Variants in ZNF236 observed in about 807,000 individuals in gnomAD.
The protein encoded by ZNF236 is regulated by glucose.
Under a neutral mutation model 191.2 loss-of-function variants are expected in ZNF236, and 50 were observed. That is an observed-to-expected ratio of 0.26 (90% CI 0.21 to 0.33). The LOEUF is 0.33. Ranked by LOEUF, ZNF236 falls within the 10% of genes least tolerant of loss-of-function variation. The pLI is 1.00. For missense variants in ZNF236, 1,754 were observed against 2,374.5 expected (o/e 0.74, Z 5.43); for synonymous variants, 907 against 928.8 (o/e 0.98, Z 0.43).
At position 76,868,732 on chromosome 18, in the gene ZNF236, G is replaced by A; in HGVS notation, c.411G>A (p.Gln137=). ...ECGDEFTLQS[Q]LAVHMEEHRQ... is the part of the protein sequence containing the mutation. ...GGGATGAGTTTACTCTGCAGAGTCA[G>A]CTGGCCGTGCACATGGAGGAGCACC... Residue 137 remains glutamine, a synonymous_variant, in exon 4 of 31, where the codon CAG becomes CAA. Coordinates refer to ENST00000320610, the MANE Select transcript of ZNF236 (RefSeq NM_001306089.2). 1 of 1,613,810 alleles carries A rather than the reference G, an allele frequency of 6.2e-7. No individual in the cohort carries two copies. Among genetic ancestry groups the A allele is most frequent in the South Asian group, 1.1e-5 (1 of 91,036 alleles).
At position 76,927,270 on chromosome 18, in the gene ZNF236, T is replaced by C. The variant is rs748304905; in HGVS notation, c.4174-7T>C. On this transcript the variant is annotated splice_polypyrimidine_tract_variant and splice_region_variant and intron_variant, in intron 23 of 30. Transcript: ENST00000320610. The surrounding 1 kb of genome is among the most constrained non-coding windows in gnomAD (Gnocchi z 5.4). ...TTTTCATTACAAGTACCTGTGCTGC[T>C]TTTCAGATTGATCCAAGCATTCTGC... 33 of 1,613,862 alleles carry C rather than the reference T, an allele frequency of 2.0e-5. No individual in the cohort carries two copies. The South Asian group carries it at 3.2e-4, about 16-fold the overall frequency.
At chr18:76,897,936 A>G (rs1977483281) in intron 10 of ZNF236, among the ~76,000 whole-genome samples, 1 of 152,202 alleles carries the variant, frequency 6.6e-6, no homozygotes. Context: ...AAGAAAACAG[A>G]TGCAACCTTG....
At chr18:76,853,908 G>T (rs1436121127) in intron 3 of ZNF236, among the ~76,000 whole-genome samples, 1 of 151,908 alleles carries the variant, frequency 6.6e-6, no homozygotes, top group African/African-American at 2.4e-5. Context: ...TACTCCGGAG[G>T]CTAAGGCGGG....
At chr18:76,825,907 A>C (rs775779466) in intron 1 of ZNF236, among the ~76,000 whole-genome samples, 131 of 152,146 alleles carry the variant, frequency 8.6e-4, no homozygotes, top group Non-Finnish European at 1.4e-3. Context: ...CACTGCTTCC[A>C]GCTGAGGGCT....
chr18:76,919,848 C>T lies in ZNF236; in HGVS notation c.3347C>T (p.Thr1116Ile). ...ASRKSRPEVI[T>I]FTEEETAQLA... ...CGGAAGTCTCGTCCTGAGGTCATCA[C>T]TTTCACGGAGGAGGAGACAGCCCAG... The change falls in exon 20 of 31, where the codon ACT (threonine) becomes ATT (isoleucine). Residue 1116 changes from threonine (T) to isoleucine (I), a missense_variant. Physicochemically the swap from Thr to Ile is moderately conservative, Grantham distance 89. Around this residue, in one of 5 missense-constraint regions of ZNF236, gnomAD observed 641 missense variants for 869.6 expected, o/e 0.74. Transcript: ENST00000320610. The surrounding 1 kb of genome is among the most constrained non-coding windows in gnomAD (Gnocchi z 5.3). 6.2e-7 allele frequency: 1 copy of T among 1,614,244 alleles called. No individual in the cohort carries two copies. Among genetic ancestry groups the T allele is most frequent in the Non-Finnish European group, 8.5e-7 (1 of 1,180,050 alleles).
In ZNF236 at chr18:76,927,915, A is replaced by G; in HGVS notation, c.4415-12A>G. On this transcript the variant is annotated splice_polypyrimidine_tract_variant and intron_variant, in intron 24 of 30. Transcript: ENST00000320610. The surrounding 1 kb of genome is among the most constrained non-coding windows in gnomAD (Gnocchi z 5.4). ...GAATCTCAACTTTGTTTTGCTTTGTAATGACAATCAGGGACCCAAGACCTC... is the reference window on the plus strand; with the variant it reads ...GAATCTCAACTTTGTTTTGCTTTGTGATGACAATCAGGGACCCAAGACCTC... 6.5e-7 allele frequency: 1 copy of G among 1,546,928 alleles called. No individual in the cohort carries two copies. Among genetic ancestry groups the G allele is most frequent in the Non-Finnish European group, 8.7e-7 (1 of 1,147,996 alleles).
rs113817245 is a variant in ZNF236, at chr18:76,956,014, G to A, written c.4944G>A (p.Pro1648=). The A allele has an allele frequency of 2.3e-3, 3,736 of 1,610,406 alleles. 51 individuals carry two copies. The African/African-American group carries it at 0.041, about 18-fold the overall frequency. ...CTGGCGTCTCTGGGAACCTGGCCCC[G>A]GGCAACCAGCCAGAGAAGGAGGGCC... ...QVAGVSGNLA[P]GNQPEKEGRA... is the part of the protein sequence containing the mutation. The change falls in exon 28 of 31, where the codon CCG becomes CCA. Residue 1648 remains proline (P), a synonymous_variant. Coordinates refer to ENST00000320610, the MANE Select transcript of ZNF236 (RefSeq NM_001306089.2).
rs989512181 is a variant in ZNF236 at position 76,968,782 on chromosome 18, T to C, written c.*443T>C. 5 of 989,394 alleles carry C rather than the reference T, an allele frequency of 5.1e-6. No homozygotes were observed. In the African/African-American group the frequency reaches 7.0e-5, roughly 14 times the overall value. The allele number at this position is 989,394 out of a possible 1,614,324, so 61.3% of individuals were successfully genotyped here. On this transcript the variant is annotated 3_prime_UTR_variant, in exon 31 of 31. Coordinates refer to ENST00000320610, the MANE Select transcript of ZNF236 (RefSeq NM_001306089.2). Reference sequence around the variant, plus strand: ...CAAGCGTAAGATTGAGGCATGAAGTTCAGAAAAAAAAGTGTTACAACACAC... The same window carrying C: ...CAAGCGTAAGATTGAGGCATGAAGTCCAGAAAAAAAAGTGTTACAACACAC...
intron 7 of ZNF236, among the ~76,000 whole-genome samples, chr18:76,878,713 A>G (rs1481797192): frequency 6.6e-6 from 1 of 151,694 alleles, no homozygotes; most frequent in Non-Finnish European, 1.5e-5. Flanking sequence ...GTACTGCACT[A>G]CCCTCTCAAC....
chr18:76,887,442 G>A (rs1283506682), intron 9 of ZNF236: 1 of 152,088 alleles, frequency 6.6e-6, no homozygotes, highest in Non-Finnish European at 1.5e-5. Context: ...TCCGTTCCTC[G>A]ATTTACAGTT....
At chr18:76,896,247 T>C (rs1412435912) in intron 10 of ZNF236, among the ~76,000 whole-genome samples, 1 of 149,520 alleles carries the variant, frequency 6.7e-6, no homozygotes, top group Non-Finnish European at 1.5e-5. Flanking sequence ...AACACAGTAC[T>C]AAATACAGGT....
In ZNF236 at chr18:76,960,991, AG is replaced by A. The variant is rs1279046828; in HGVS notation, c.5419+137del. 1.8e-5 allele frequency: 18 copies of A among 980,734 alleles called. No homozygotes were observed. The highest frequency in any genetic ancestry group is 1.8e-4 in the South Asian group (10 of 56,902). 60.8% of individuals were successfully genotyped at this position (980,734 alleles called of 1,614,324 possible). ...TACAGCCTCAGTTGTGTGGACTGGA[AG>A]CTTGTGCTTTATTTTATTTTTTGAT... On this transcript the variant is annotated intron_variant, in intron 30 of 30. Transcript: ENST00000320610. This position sits in a 1 kb window ranked among gnomAD's most constrained non-coding sequence, Gnocchi z 4.4.
At chr18:76,932,538 T>C (rs1008014197) in intron 25 of ZNF236, among the ~76,000 whole-genome samples, 3 of 152,218 alleles carry the variant, frequency 2.0e-5, no homozygotes, top group African/African-American at 7.2e-5. Context: ...CATGTTGCAA[T>C]GTGAAGACGT....
chr18:76,913,119 A>C (rs973151219), intron 17 of ZNF236, among the ~76,000 whole-genome samples: 1 of 152,106 alleles, frequency 6.6e-6, no homozygotes, highest in African/African-American at 2.4e-5. Flanking sequence ...TTGAGAATGG[A>C]CAAAAGAGAC....
chr18:76,944,090 A>C (rs1415429660), intron 26 of ZNF236, among the ~76,000 whole-genome samples: 1 of 152,190 alleles, frequency 6.6e-6, no homozygotes, highest in Non-Finnish European at 1.5e-5. Flanking sequence ...GAACATTGAC[A>C]TTCCTGGGTC....
intron 28 of ZNF236, among the ~76,000 whole-genome samples, chr18:76,958,644 G>A (rs1480518269): frequency 1.3e-5 from 2 of 152,328 alleles, no homozygotes; most frequent in Middle Eastern, 3.4e-3. Flanking sequence ...AACCCCAGAC[G>A]GAGTGGGGGA....
chr18:76,893,037 C>T (rs751009790), intron 9 of ZNF236, among the ~76,000 whole-genome samples: 103 of 152,184 alleles, frequency 6.8e-4, no homozygotes, highest in Non-Finnish European at 1.4e-3. Flanking sequence ...GATTTGGAGA[C>T]AGCTTCAGGA....
chr18:76,842,461 T>C (rs1599321065), intron 1 of ZNF236, among the ~76,000 whole-genome samples: 1 of 149,756 alleles, frequency 6.7e-6, no homozygotes, highest in South Asian at 2.1e-4. Context: ...TTTTAAGAAG[T>C]GATACCATAG....
chr18:76,888,877 C>T (rs1406817311), intron 9 of ZNF236, among the ~76,000 whole-genome samples: 1 of 152,240 alleles, frequency 6.6e-6, no homozygotes, highest in Non-Finnish European at 1.5e-5. Flanking sequence ...TCGTCCTTGT[C>T]CTCCTGACGG....
Sources: gnomAD v4.1 joint callset for allele counts (sites outside exome capture counted in the v4.1 genomes callset) on GRCh38, gnomAD v4.1.1 for gene constraint, gnomAD v4.1.1 regional missense constraint, Gnocchi (gnomAD v3.1) non-coding constraint, MANE v1.5 for transcripts, NCBI Gene and HGNC (gene_info 2026-07-23, HGNC 2026-07-21) for gene names.